The following CASR variants were observed in gnomAD, a reference collection of about 807,000 sequenced individuals.
CASR encodes the protein calcium sensing receptor.
A neutral mutation model predicts 69.1 loss-of-function variants in CASR; 23 were observed. The observed-to-expected ratio is 0.33, with a 90% CI of 0.24 to 0.47. The LOEUF is 0.47. Among genes scored for constraint, CASR ranks in the 20% least tolerant of loss-of-function variants. The pLI, the probability that CASR is intolerant of heterozygous loss-of-function variation, is 1.00. For missense variants in CASR, 924 were observed against 1,356.1 expected (o/e 0.68, Z 5.00); for synonymous variants, 541 against 544.7 (o/e 0.99, Z 0.10).
intron 1 of CASR, among the ~76,000 whole-genome samples, chr3:122,227,715 G>A (rs1053373432): frequency 3.3e-5 from 5 of 152,072 alleles, no homozygotes; most frequent in Non-Finnish European, 7.4e-5. Flanking sequence ...GGGCTGCGAG[G>A]GCTGCCAGCA....
Position 122,183,801 on chromosome 3 carries a change from C to G in CASR, c.-254C>G, listed in dbSNP as rs2073744310. The G allele has an allele frequency of 6.6e-6, 1 of 152,040 alleles. No homozygotes were observed. Among genetic ancestry groups the G allele is most frequent in the South Asian group, 2.1e-4 (1 of 4,812 alleles). The allele number at this position is 152,040 out of a possible 1,614,324, so 9.4% of individuals were successfully genotyped here. On this transcript the variant is annotated 5_prime_UTR_variant, in exon 1 of 7. Transcript: ENST00000639785. ...GGCACAGGCAACGCTTGACCTGAGTCTTGCAGAATGAGTAAGAGTTTGGGC... is the reference window on the plus strand; with the variant it reads ...GGCACAGGCAACGCTTGACCTGAGTGTTGCAGAATGAGTAAGAGTTTGGGC...
At chr3:122,200,959 G>A (rs1263121024) in intron 1 of CASR, among the ~76,000 whole-genome samples, 1 of 135,960 alleles carries the variant, frequency 7.4e-6, no homozygotes, top group Non-Finnish European at 1.6e-5. Context: ...TTTTCTCCAT[G>A]TAATGCTTGT....
At chr3:122,228,239 A>G (rs2074244646) in intron 1 of CASR, among the ~76,000 whole-genome samples, 1 of 152,232 alleles carries the variant, frequency 6.6e-6, no homozygotes, top group Non-Finnish European at 1.5e-5. Context: ...ATAGTGCTCC[A>G]TCTTTTCTTC....
At chr3:122,202,468 G>C (rs1404116010) in intron 1 of CASR, among the ~76,000 whole-genome samples, 3 of 149,568 alleles carry the variant, frequency 2.0e-5, no homozygotes, top group Non-Finnish European at 3.0e-5. Flanking sequence ...GGGAGAGGGA[G>C]AGGGAGACCG....
rs2107632513 is a variant in CASR, at chr3:122,261,938, C to T, written c.903C>T (p.Ser301=). ...GGCTGGCCAGCGAGGCCTGGGCCAG[C>T]TCCTCCCTGATCGCCATGCCTCAGT... is the stretch of plus-strand genomic sequence containing the variant. The part of the protein sequence containing the change: ...KIWLASEAWA[S]SSLIAMPQYF... The change falls in exon 4 of 7, where the codon AGC becomes AGT. Residue 301 remains serine, a synonymous_variant. Transcript: ENST00000639785. 6 of 1,614,180 alleles carry T rather than the reference C, an allele frequency of 3.7e-6. No individual in the cohort carries two copies. Among genetic ancestry groups the T allele is most frequent in the Non-Finnish European group, 5.1e-6 (6 of 1,179,984 alleles).
chr3:122,282,481 C>T (rs182188886), intron 6 of CASR, among the ~76,000 whole-genome samples: 12 of 152,286 alleles, frequency 7.9e-5, no homozygotes, highest in East Asian at 1.9e-4. Context: ...TTCATATTGT[C>T]GGCCAATATA....
chr3:122,286,223 A>G lies in CASR; in HGVS notation c.*1032A>G, dbSNP rs201184019. The G allele has an allele frequency of 1.3e-5, 2 of 152,174 alleles. No individual in the cohort carries two copies. Among genetic ancestry groups the G allele is most frequent in the Admixed American group, 6.5e-5 (1 of 15,276 alleles). The allele number at this position is 152,174 out of a possible 1,614,324, so 9.4% of individuals were successfully genotyped here. On this transcript the variant is annotated 3_prime_UTR_variant, in exon 7 of 7. Coordinates refer to ENST00000639785, the MANE Select transcript of CASR (RefSeq NM_000388.4). Reference sequence around the variant, plus strand: ...CAAATGTCAGAGCTATGTTCCCTCCAGCAGTGGTATTAATACTGCCGGTCA... The same window carrying G: ...CAAATGTCAGAGCTATGTTCCCTCCGGCAGTGGTATTAATACTGCCGGTCA...
chr3:122,202,286 C>T (rs950966254), intron 1 of CASR, among the ~76,000 whole-genome samples: 3 of 152,348 alleles, frequency 2.0e-5, no homozygotes, highest in East Asian at 1.9e-4. Context: ...GGCGTGGTGG[C>T]GCGCGCCTGC....
At chr3:122,262,475 G>T in intron 4 of CASR, 63 bp downstream of exon 4, 4 of 1,460,268 alleles carry the variant, frequency 2.7e-6, no homozygotes, top group East Asian at 2.3e-5. Flanking sequence ...TGCAACTCCA[G>T]GCAAGAAAAA....
In CASR at chr3:122,287,089, G is replaced by A. The variant is rs535257342; in HGVS notation, c.*1898G>A. ...CCCCTGCAGTCATGCCTCTGAGCAA[G>A]GCACCGAGCTGAGTGGGGATTTATA... On this transcript the variant is annotated 3_prime_UTR_variant, in exon 7 of 7. Transcript: ENST00000639785. The A allele has an allele frequency of 6.6e-6, 1 of 152,334 alleles. No homozygotes were observed. Among genetic ancestry groups the A allele is most frequent in the African/African-American group, 2.4e-5 (1 of 41,566 alleles). The allele number at this position is 152,334 out of a possible 1,614,324, so 9.4% of individuals were successfully genotyped here.
intron 4 of CASR, among the ~76,000 whole-genome samples, chr3:122,263,354 A>G (rs1377682912): frequency 6.6e-6 from 1 of 152,208 alleles, no homozygotes; most frequent in Admixed American, 6.5e-5. Context: ...ACACAGACTT[A>G]ATGTCTAGCT....
intron 3 of CASR, among the ~76,000 whole-genome samples, chr3:122,257,794 GCTCCACTGTCTCATTGAAAC>G (rs2074572471): frequency 6.6e-6 from 1 of 152,166 alleles, no homozygotes; most frequent in South Asian, 2.1e-4. Context: ...AAGTCTCGCT[GCTCCACTGTCTCATTGAAAC>G]TTTAGCTCAG....
At chr3:122,233,807 C>A (rs2074302187) in intron 1 of CASR, among the ~76,000 whole-genome samples, 1 of 152,146 alleles carries the variant, frequency 6.6e-6, no homozygotes, top group Admixed American at 6.5e-5. Flanking sequence ...CTAAGGGGAA[C>A]AAAAATTGTT....
At chr3:122,192,103 AAC>A (rs1175356183) in intron 1 of CASR, among the ~76,000 whole-genome samples, 1 of 152,252 alleles carries the variant, frequency 6.6e-6, no homozygotes, top group Non-Finnish European at 1.5e-5. Context: ...TTGAAACTGA[AAC>A]ACAAGAAAAA....
chr3:122,253,774 C>T (rs558383379), intron 1 of CASR, among the ~76,000 whole-genome samples, 174 bp from the exon 2 acceptor site: 96 of 152,286 alleles, frequency 6.3e-4, no homozygotes, highest in South Asian at 1.5e-3. Flanking sequence ...GGGCAATTGA[C>T]GTTTCCTGTA....
chr3:122,278,396 A>G (rs1419553062), intron 5 of CASR, among the ~76,000 whole-genome samples: 67 of 152,190 alleles, frequency 4.4e-4, no homozygotes, highest in Non-Finnish European at 1.3e-4. Context: ...CTAGACCCCA[A>G]GGGCCCTAAC....
In CASR at chr3:122,284,875, C is replaced by T. The variant is rs774943243; in HGVS notation, c.2921C>T (p.Thr974Ile). The change falls in exon 7 of 7, where the codon ACC becomes ATC. Residue 974 changes from threonine to isoleucine, a missense_variant. Coordinates refer to ENST00000639785, the MANE Select transcript of CASR (RefSeq NM_000388.4). ...GTCATCTTTGGCAGCGGCACGGTCACCTTCTCACTGAGCTTTGATGAGCCT... is the reference window on the plus strand; with the variant it reads ...GTCATCTTTGGCAGCGGCACGGTCATCTTCTCACTGAGCTTTGATGAGCCT... ...QKVIFGSGTV[T>I]FSLSFDEPQK... The T allele has an allele frequency of 4.3e-6, 7 of 1,614,178 alleles. No individual in the cohort carries two copies. The Admixed American group carries it at 1.2e-4, about 27-fold the overall frequency.
chr3:122,284,785 A>G lies in CASR; in HGVS notation c.2831A>G (p.Gln944Arg). The change falls in exon 7 of 7, where the codon CAG becomes CGG. Residue 944 changes from glutamine to arginine, a missense_variant. Physicochemically the swap from Gln to Arg is conservative, Grantham distance 43. This residue lies in a region of CASR where 201 missense variants were observed against 228.8 expected (regional missense o/e 0.88). Coordinates refer to ENST00000639785, the MANE Select transcript of CASR (RefSeq NM_000388.4). ...QPLALTQQEQ[Q>R]QQPLTLPQQQ... The stretch of plus-strand genomic sequence containing the variant: ...CTGGCCCTAACCCAGCAAGAGCAGC[A>G]GCAGCAGCCCCTGACCCTCCCACAG... The G allele has an allele frequency of 6.2e-7, 1 of 1,614,184 alleles. No individual in the cohort carries two copies. Among genetic ancestry groups the G allele is most frequent in the Non-Finnish European group, 8.5e-7 (1 of 1,180,024 alleles).
chr3:122,211,989 A>G (rs1336446563), intron 1 of CASR, among the ~76,000 whole-genome samples: 1 of 152,208 alleles, frequency 6.6e-6, no homozygotes, highest in Non-Finnish European at 1.5e-5. Flanking sequence ...ACCATTGTGG[A>G]AGACAGTGTG....
Sources: gnomAD v4.1 joint callset for allele counts (sites outside exome capture counted in the v4.1 genomes callset) on GRCh38, gnomAD v4.1.1 for gene constraint, gnomAD v4.1.1 regional missense constraint, MANE v1.5 for transcripts, NCBI Gene and HGNC (gene_info 2026-07-23, HGNC 2026-07-21) for gene names.